DNTT: variants seen among roughly 807,000 people sequenced by gnomAD.
The protein encoded by DNTT is nucleosidetriphosphate:DNA deoxynucleotidylexotransferase.
Under a neutral mutation model 60.9 loss-of-function variants are expected in DNTT, and 47 were observed. That is an observed-to-expected ratio of 0.77 (90% CI 0.61 to 0.98). The LOEUF (loss-of-function observed/expected upper bound fraction) is 0.98, where lower values mean the gene tolerates loss of function less well. Among genes scored for constraint, DNTT ranks in the 50% least tolerant of loss-of-function variants. The probability of loss-of-function intolerance (pLI) is 0.00; values close to 1 mark genes in which losing one functional copy is unlikely to be tolerated. For synonymous variants in DNTT, 224 were observed against 221.2 expected (o/e 1.01, Z -0.11); for missense variants, 665 against 627.5 (o/e 1.06, Z -0.64).
chr10:96,312,443 C>A (rs1375545736), intron 1 of DNTT, among the ~76,000 whole-genome samples: 1 of 152,100 alleles, frequency 6.6e-6, no homozygotes, highest in African/African-American at 2.4e-5. Context: ...GACATTGGCG[C>A]CTCCTCTTAG....
intron 1 of DNTT, among the ~76,000 whole-genome samples, chr10:96,311,806 G>A (rs573823407): frequency 6.6e-6 from 1 of 152,236 alleles, no homozygotes; most frequent in East Asian, 1.9e-4. Flanking sequence ...ACCACACCCA[G>A]CTAATTTTTG....
chr10:96,314,151 G>A (rs887278948), intron 1 of DNTT, among the ~76,000 whole-genome samples: 3 of 152,164 alleles, frequency 2.0e-5, no homozygotes, highest in Non-Finnish European at 4.4e-5. Context: ...CTGTTATATA[G>A]GAGGTGCTAT....
chr10:96,322,221 G>A (rs982947751), intron 4 of DNTT, among the ~76,000 whole-genome samples: 2 of 152,228 alleles, frequency 1.3e-5, no homozygotes, highest in African/African-American at 4.8e-5. Context: ...TCTACTCAGA[G>A]GAAGGGGGCT....
intron 1 of DNTT, among the ~76,000 whole-genome samples, chr10:96,307,772 TATATA>T (rs1456438043): frequency 2.3e-4 from 26 of 111,318 alleles, no homozygotes; most frequent in South Asian, 5.5e-4. Flanking sequence ...TATATATATA[TATATA>T]TTTTTTTTTT....
intron 2 of DNTT, 57 bp downstream of exon 2, chr10:96,318,583 C>T (rs1284793596): frequency 1.3e-6 from 2 of 1,571,302 alleles, no homozygotes; most frequent in African/African-American, 2.7e-5. Flanking sequence ...AGAACATAGG[C>T]TTAGGATCAA....
Position 96,319,360 on chromosome 10 carries a change from C to G in DNTT, c.477C>G (p.Thr159=). The change falls in exon 3 of 11, where the codon ACC becomes ACG. Residue 159 remains threonine (T), a synonymous_variant. Coordinates refer to ENST00000371174, the MANE Select transcript of DNTT (RefSeq NM_004088.4). ...CCCAGTATGCGTGTCAGAGAAGAAC[C>G]ACTTTAAACAACTGTAACCAGATAT... ...KISQYACQRR[T]TLNNCNQIFT... 2.5e-6 allele frequency: 4 copies of G among 1,613,794 alleles called. No individual in the cohort carries two copies. Among genetic ancestry groups the G allele is most frequent in the Non-Finnish European group, 3.4e-6 (4 of 1,179,762 alleles).
chr10:96,320,512 G>C (rs141333454), intron 3 of DNTT, 106 bp from the exon 4 acceptor site: 2 of 1,315,006 alleles, frequency 1.5e-6, no homozygotes, highest in South Asian at 1.4e-5. Flanking sequence ...AAGGAAACAC[G>C]CAAGTGGTAT....
chr10:96,332,700 C>A (rs532043150), intron 9 of DNTT, 104 bp downstream of exon 9: 2 of 1,523,628 alleles, frequency 1.3e-6, no homozygotes, highest in African/African-American at 2.8e-5. Flanking sequence ...GGCTGGGTGA[C>A]AGGGGAGGGG....
intron 8 of DNTT, among the ~76,000 whole-genome samples, chr10:96,330,877 C>A (rs151087590): frequency 1.3e-5 from 2 of 152,118 alleles, no homozygotes; most frequent in Non-Finnish European, 2.9e-5. Flanking sequence ...CTGATGATAG[C>A]GCTTTTAAAC....
chr10:96,332,804 C>T (rs1389804708), intron 9 of DNTT, among the ~76,000 whole-genome samples: 1 of 152,118 alleles, frequency 6.6e-6, no homozygotes, highest in African/African-American at 2.4e-5. Context: ...GTGTGTGGTC[C>T]CCAACACCAG....
Position 96,332,514 on chromosome 10 carries a change from C to A in DNTT, c.1277C>A (p.Thr426Asn). 1 of 1,614,182 alleles carries A rather than the reference C, an allele frequency of 6.2e-7. No individual in the cohort carries two copies. The highest frequency in any genetic ancestry group is 8.5e-7 in the Non-Finnish European group (1 of 1,180,010). Residue 426 changes from threonine (T) to asparagine (N), a missense_variant, in exon 9 of 11, where the codon ACC becomes AAC. Thr to Asn is a moderately conservative substitution (Grantham distance 65, BLOSUM62 0). Coordinates refer to ENST00000371174, the MANE Select transcript of DNTT (RefSeq NM_004088.4). ...CAGTCCAGCTGGCAGGAAGGAAAGA[C>A]CTGGAAGGCCATCCGTGTGGATTTA... ...SDQSSWQEGK[T>N]WKAIRVDLVL...
At chr10:96,332,227 A>G in intron 8 of DNTT, 124 bp from the exon 9 acceptor site, 6 of 1,415,418 alleles carry the variant, frequency 4.2e-6, no homozygotes, top group Non-Finnish European at 4.7e-6. Context: ...TGGGCCTTTA[A>G]TGCAAGGCCA....
In DNTT at chr10:96,321,471, T is replaced by C. The variant is rs566381073; in HGVS notation, c.678+683T>C. Among the ~76,000 whole-genome samples, 6 of 152,252 alleles carry C rather than the reference T, an allele frequency of 3.9e-5. No individual in the cohort carries two copies. The South Asian group carries it at 1.2e-3, about 32-fold the overall frequency. On this transcript the variant is annotated intron_variant, in intron 4 of 10. Coordinates refer to ENST00000371174, the MANE Select transcript of DNTT (RefSeq NM_004088.4). Reference sequence around the variant, plus strand: ...ATGCTCACCTGAGGCATTCTTCCCTTTTCCGGTGGAATGCTCCGGAAAGTC... The same window carrying C: ...ATGCTCACCTGAGGCATTCTTCCCTCTTCCGGTGGAATGCTCCGGAAAGTC...
At chr10:96,321,624 C>T (rs992882186) in intron 4 of DNTT, among the ~76,000 whole-genome samples, 2 of 152,130 alleles carry the variant, frequency 1.3e-5, no homozygotes, top group South Asian at 2.1e-4. Flanking sequence ...CTCTCCCTGG[C>T]GCCAGTTGTG....
At chr10:96,327,684 A>G in intron 7 of DNTT, 84 bp downstream of exon 7, 5 of 1,532,884 alleles carry the variant, frequency 3.3e-6, no homozygotes, top group Non-Finnish European at 4.4e-6. Context: ...AACGGCACAA[A>G]AGGCTGTGAT....
intron 9 of DNTT, among the ~76,000 whole-genome samples, chr10:96,333,729 C>T (rs1412339142): frequency 6.6e-6 from 1 of 152,176 alleles, no homozygotes; most frequent in Admixed American, 6.5e-5. Flanking sequence ...GAGACAAATA[C>T]TGTATGATCT....
rs145425377 is a variant in DNTT at position 96,327,428 on chromosome 10, C to G, written c.875-40C>G. The G allele has an allele frequency of 3.8e-5, 61 of 1,613,878 alleles. No individual in the cohort carries two copies. In the East Asian group the frequency reaches 1.4e-3, roughly 36 times the overall value. On this transcript the variant is annotated intron_variant, in intron 6 of 10. Coordinates refer to ENST00000371174, the MANE Select transcript of DNTT (RefSeq NM_004088.4). ...TACTGAGGGCTGGTTGTTTCACACA[C>G]GTGTCACTCTCTCCATTGACCTGTC... is the stretch of plus-strand genomic sequence containing the variant.
intron 3 of DNTT, 45 bp from the exon 4 acceptor site, chr10:96,320,573 G>C: frequency 3.7e-6 from 6 of 1,604,848 alleles, no homozygotes; most frequent in Non-Finnish European, 3.4e-6. Context: ...CACTGGCTCA[G>C]GGGCTTGGAA....
intron 10 of DNTT, among the ~76,000 whole-genome samples, chr10:96,336,939 GGAA>G (rs1845079924): frequency 2.9e-5 from 2 of 68,284 alleles, no homozygotes; most frequent in African/African-American, 6.9e-5. Context: ...CTCTGTGTCA[GGAA>G]AAAAAAAAAA....
Sources: gnomAD v4.1 joint callset for allele counts (sites outside exome capture counted in the v4.1 genomes callset) on GRCh38, gnomAD v4.1.1 for gene constraint, MANE v1.5 for transcripts, NCBI Gene and HGNC (gene_info 2026-07-23, HGNC 2026-07-21) for gene names.